Variants in NCEH1 observed in about 807,000 individuals in gnomAD.
NCEH1 encodes 2-acetyl MAGE hydrolase.
In NCEH1, 9 loss-of-function variants were observed where a neutral mutation model predicts 25.4. That is an observed-to-expected ratio of 0.35 (90% CI 0.21 to 0.62). The LOEUF (loss-of-function observed/expected upper bound fraction) is 0.62. Among genes scored for constraint, NCEH1 ranks in the 20% least tolerant of loss-of-function variants. The pLI is 0.72. For missense variants in NCEH1, 412 were observed against 501.1 expected (o/e 0.82, Z 1.70); for synonymous variants, 200 against 199.8 (o/e 1.00, Z -0.01).
intron 1 of NCEH1, among the ~76,000 whole-genome samples, chr3:172,684,485 A>AAAC (rs142041153): frequency 0.34 from 51,741 of 151,834 alleles, 9,044 homozygotes; most frequent in South Asian, 0.4. Context: ...GGATAATTAC[A>AAAC]AAAAACAACA....
rs1397072573 is a variant in NCEH1, at chr3:172,633,952, C to T, written c.750G>A (p.Lys250=). The T allele has an allele frequency of 6.2e-7, 1 of 1,614,202 alleles. No homozygotes were observed. The highest frequency in any genetic ancestry group is 1.7e-5 in the Admixed American group (1 of 60,024). The part of the protein sequence containing the change: ...TPILPRYVMV[K]YWVDYFKGNY... ...TGCCTTTGAAGTAGTCCACCCAATACTTCACCATGACATAGCGGGGCAGGA... is the reference window on the plus strand; with the variant it reads ...TGCCTTTGAAGTAGTCCACCCAATATTTCACCATGACATAGCGGGGCAGGA... The change falls in exon 5 of 5, where the codon AAG becomes AAA. Residue 250 remains lysine (K), a synonymous_variant. Coordinates refer to ENST00000475381, the MANE Select transcript of NCEH1 (RefSeq NM_020792.6).
intron 1 of NCEH1, among the ~76,000 whole-genome samples, chr3:172,664,278 A>T (rs1718100466): frequency 6.6e-6 from 1 of 152,182 alleles, no homozygotes; most frequent in African/African-American, 2.4e-5. Context: ...AAGAATGTTG[A>T]ATATTGGCCC....
chr3:172,642,601 T>TAAAAAAAAAAAAAAAA (rs1411772207), intron 3 of NCEH1, among the ~76,000 whole-genome samples: 5 of 39,110 alleles, frequency 1.3e-4, no homozygotes, highest in Admixed American at 1.1e-3. Context: ...TTGCTATTTC[T>TAAAAAAAAAAAAAAAA]ACAAAAAAAA....
rs115569132 is a variant in NCEH1, at chr3:172,685,448, G to A, written c.138+25399C>T. ...ATCTTAAATGGATGCAAATGAAGTC[G>A]TATAATTTTAAAACCCAAAGGGCCC... On this transcript the variant is annotated intron_variant, in intron 1 of 4. Transcript: ENST00000475381. 2.0e-3 allele frequency among the ~76,000 whole-genome samples: 304 copies of A among 152,202 alleles called. 1 individual carries two copies. The highest frequency in any genetic ancestry group is 6.8e-3 in the African/African-American group (281 of 41,504).
At chr3:172,702,934 G>A (rs1387457095) in intron 1 of NCEH1, among the ~76,000 whole-genome samples, 7 of 152,218 alleles carry the variant, frequency 4.6e-5, no homozygotes, top group Non-Finnish European at 1.0e-4. Flanking sequence ...CAAGGTTGCA[G>A]TGAGCTGTGA....
chr3:172,710,209 G>A (rs1714220384), intron 1 of NCEH1, among the ~76,000 whole-genome samples: 1 of 152,200 alleles, frequency 6.6e-6, no homozygotes, highest in South Asian at 2.1e-4. Flanking sequence ...CAGGGCTGCC[G>A]CCTCCTCACC....
chr3:172,698,293 A>G (rs576052298), intron 1 of NCEH1, among the ~76,000 whole-genome samples: 4 of 152,172 alleles, frequency 2.6e-5, no homozygotes, highest in Middle Eastern at 3.4e-3. Context: ...AGCAGAATTG[A>G]CTTGCTTTGC....
At chr3:172,710,808 A>G in intron 1 of NCEH1, 39 bp downstream of exon 1, 1 of 1,607,998 alleles carries the variant, frequency 6.2e-7, no homozygotes, top group Non-Finnish European at 8.5e-7. Context: ...ATATTGCGTA[A>G]GAGGAGGAAG....
rs138320044 is a variant in NCEH1, at chr3:172,638,156, G to A, written c.438-2069C>T. Among the ~76,000 whole-genome samples, 77 of 151,240 alleles carry A rather than the reference G, an allele frequency of 5.1e-4. 1 individual carries two copies. The highest frequency in any genetic ancestry group is 1.8e-3 in the East Asian group (9 of 5,112). ...TAGTGAATGTGGATCTGGTCATTCC[G>A]GAATTACCACATTTTGAAACTAAAT... On this transcript the variant is annotated intron_variant, in intron 3 of 4. Transcript: ENST00000475381.
chr3:172,703,545 A>G (rs1199971850), intron 1 of NCEH1, among the ~76,000 whole-genome samples: 1 of 151,452 alleles, frequency 6.6e-6, no homozygotes, highest in Non-Finnish European at 1.5e-5. Flanking sequence ...AAAAAAAAAA[A>G]AGTAAATATA....
In NCEH1 at chr3:172,710,897, G is replaced by A. The variant is rs1355413013; in HGVS notation, c.88C>T (p.Pro30Ser). 3.7e-6 allele frequency: 6 copies of A among 1,614,144 alleles called. No homozygotes were observed. Among genetic ancestry groups the A allele is most frequent in the Non-Finnish European group, 5.1e-6 (6 of 1,180,032 alleles). ...GCGTCCAGCAGCATCAGCTTCCAGGGGTCGGACACGGAGCCAGGCAGCGGG... is the reference window on the plus strand; with the variant it reads ...GCGTCCAGCAGCATCAGCTTCCAGGAGTCGGACACGGAGCCAGGCAGCGGG... ...YIPLPGSVSD[P>S]WKLMLLDATF... Residue 30 changes from proline to serine, a missense_variant, in exon 1 of 5, where the codon CCC becomes TCC. Physicochemically the swap from Pro to Ser is moderately conservative, Grantham distance 74. This residue lies in a region of NCEH1 where 178 missense variants were observed against 189.2 expected (regional missense o/e 0.94). Coordinates refer to ENST00000475381, the MANE Select transcript of NCEH1 (RefSeq NM_020792.6).
intron 1 of NCEH1, among the ~76,000 whole-genome samples, chr3:172,698,428 G>T (rs1713497096): frequency 6.6e-6 from 1 of 152,184 alleles, no homozygotes; most frequent in Non-Finnish European, 1.5e-5. Flanking sequence ...CCTTGGAAAT[G>T]ATGCATATAC....
intron 1 of NCEH1, among the ~76,000 whole-genome samples, chr3:172,658,685 A>AG (rs1717816052): frequency 6.6e-6 from 1 of 152,154 alleles, no homozygotes; most frequent in Non-Finnish European, 1.5e-5. Context: ...AACAAAATCT[A>AG]GCTCAGAGAA....
At chr3:172,634,551 C>T (rs1282378325) in intron 4 of NCEH1, among the ~76,000 whole-genome samples, 2 of 152,108 alleles carry the variant, frequency 1.3e-5, no homozygotes, top group African/African-American at 4.8e-5. Context: ...TAAGTAGGAC[C>T]TCAGGGTATG....
At chr3:172,701,616 GTTT>G (rs60219751) in intron 1 of NCEH1, among the ~76,000 whole-genome samples, 23,355 of 110,386 alleles carry the variant, frequency 0.21, 1,655 homozygotes, top group South Asian at 0.24. Context: ...TGCCCAGCTA[GTTT>G]TTTTTTTTTT....
At chr3:172,690,942 AATT>A (rs1274811627) in intron 1 of NCEH1, among the ~76,000 whole-genome samples, 1 of 146,926 alleles carries the variant, frequency 6.8e-6, no homozygotes, top group Non-Finnish European at 1.5e-5. Context: ...TTGCTAAAGA[AATT>A]ATGCTTCTGT....
At chr3:172,667,535 T>A (rs975143545) in intron 1 of NCEH1, among the ~76,000 whole-genome samples, 3 of 152,188 alleles carry the variant, frequency 2.0e-5, no homozygotes, top group African/African-American at 7.2e-5. Flanking sequence ...GTTTATCCAG[T>A]TCCATGGCTT....
At position 172,632,343 on chromosome 3, in the gene NCEH1, TTA is replaced by T. The variant is rs1180875692; in HGVS notation, c.*1130_*1131del. On this transcript the variant is annotated 3_prime_UTR_variant, in exon 5 of 5. Coordinates refer to ENST00000475381, the MANE Select transcript of NCEH1 (RefSeq NM_020792.6). ...GGTTTTAAAACCCTAAGGCAGTTTT[TTA>T]AAAAATACCATTGTTTTTAATATTT... 6.6e-6 allele frequency: 1 copy of T among 152,322 alleles called. No homozygotes were observed. The highest frequency in any genetic ancestry group is 1.5e-5 in the Non-Finnish European group (1 of 68,038). The allele number at this position is 152,322 out of a possible 1,614,324, so 9.4% of individuals were successfully genotyped here.
At chr3:172,694,402 G>C (rs1351090732) in intron 1 of NCEH1, among the ~76,000 whole-genome samples, 4 of 151,960 alleles carry the variant, frequency 2.6e-5, no homozygotes, top group Non-Finnish European at 5.9e-5. Context: ...GTCTGTGTGT[G>C]TGTGTGTGTG....
Sources: gnomAD v4.1 joint callset for allele counts (sites outside exome capture counted in the v4.1 genomes callset) on GRCh38, gnomAD v4.1.1 for gene constraint, gnomAD v4.1.1 regional missense constraint, MANE v1.5 for transcripts, NCBI Gene and HGNC (gene_info 2026-07-23, HGNC 2026-07-21) for gene names.